Variants in ITGBL1 observed in about 807,000 individuals in gnomAD.
The protein encoded by ITGBL1 is integrin beta-like protein 1.
Under a neutral mutation model 68.5 loss-of-function variants are expected in ITGBL1, and 51 were observed. The observed-to-expected ratio is 0.74, with a 90% CI of 0.59 to 0.94. The LOEUF (loss-of-function observed/expected upper bound fraction) is 0.94. ITGBL1 is among the 40% of genes least tolerant of loss of function. The pLI, the probability that ITGBL1 is intolerant of heterozygous loss-of-function variation, is 0.00. For missense variants in ITGBL1, 649 were observed against 647.4 expected, an observed-to-expected ratio of 1.00 and a Z score of -0.03; for synonymous variants, 209 against 227.3, an observed-to-expected ratio of 0.92 and a Z score of 0.72.
chr13:101,661,456 T>C (rs557544919), intron 7 of ITGBL1, among the ~76,000 whole-genome samples: 10 of 152,318 alleles, frequency 6.6e-5, no homozygotes, highest in Admixed American at 2.6e-4. Flanking sequence ...GAAGTACCAA[T>C]GTAGGAATTT....
chr13:101,655,959 GT>G (rs2032908129), intron 7 of ITGBL1, among the ~76,000 whole-genome samples: 2 of 151,728 alleles, frequency 1.3e-5, no homozygotes, highest in Non-Finnish European at 2.9e-5. Flanking sequence ...GTACAGCTTG[GT>G]TTTATCTATT....
At chr13:101,602,569 AAT>A (rs572640964) in intron 7 of ITGBL1, among the ~76,000 whole-genome samples, 153 of 152,172 alleles carry the variant, frequency 1.0e-3, no homozygotes, top group African/African-American at 3.1e-3. Context: ...TTTTTTAAAA[AAT>A]ATATGTTAAT....
chr13:101,552,157 C>T (rs1250157842), intron 2 of ITGBL1, among the ~76,000 whole-genome samples: 1 of 152,136 alleles, frequency 6.6e-6, no homozygotes, highest in Non-Finnish European at 1.5e-5. Flanking sequence ...GTCCCTTTAC[C>T]AAAATACATG....
intron 7 of ITGBL1, among the ~76,000 whole-genome samples, chr13:101,650,934 G>A (rs187792927): frequency 4.6e-5 from 7 of 152,230 alleles, no homozygotes; most frequent in Admixed American, 3.3e-4. Context: ...AGTTTGCTGA[G>A]GATTATGGAT....
intron 2 of ITGBL1, among the ~76,000 whole-genome samples, chr13:101,460,279 A>G (rs767450125): frequency 6.6e-6 from 1 of 152,116 alleles, no homozygotes; most frequent in Admixed American, 6.5e-5. Context: ...CCCCTTCACC[A>G]GTAAATAAAT....
At chr13:101,477,846 A>G (rs1283119480) in intron 2 of ITGBL1, among the ~76,000 whole-genome samples, 1 of 152,124 alleles carries the variant, frequency 6.6e-6, no homozygotes, top group Non-Finnish European at 1.5e-5. Flanking sequence ...ACATTGATGA[A>G]AAGTTTCCTG....
chr13:101,482,813 C>T (rs542717036), intron 2 of ITGBL1, among the ~76,000 whole-genome samples: 178 of 152,230 alleles, frequency 1.2e-3, no homozygotes, highest in African/African-American at 4.0e-3. Context: ...TACTGGACCA[C>T]TTAACTGAAG....
At chr13:101,646,087 C>CA (rs2032546296) in intron 7 of ITGBL1, among the ~76,000 whole-genome samples, 1 of 152,146 alleles carries the variant, frequency 6.6e-6, no homozygotes, top group African/African-American at 2.4e-5. Context: ...TGGACAGTAT[C>CA]CACCTTTGAT....
chr13:101,706,355 C>A (rs1413716020), intron 8 of ITGBL1, among the ~76,000 whole-genome samples: 1 of 152,112 alleles, frequency 6.6e-6, no homozygotes, highest in South Asian at 2.1e-4. Context: ...AATAGGAGAA[C>A]AATCAATAAA....
intron 2 of ITGBL1, among the ~76,000 whole-genome samples, chr13:101,473,545 T>C (rs1231971624): frequency 6.6e-6 from 1 of 152,190 alleles, no homozygotes; most frequent in African/African-American, 2.4e-5. Context: ...TAAAGTAGTC[T>C]GGTGTTTTAA....
chr13:101,632,183 T>C (rs965697162), intron 7 of ITGBL1, among the ~76,000 whole-genome samples: 1 of 151,938 alleles, frequency 6.6e-6, no homozygotes, highest in South Asian at 2.1e-4. Context: ...AAGCTATACC[T>C]AAAATATATA....
chr13:101,570,598 A>G (rs976063616), intron 3 of ITGBL1, among the ~76,000 whole-genome samples: 2 of 152,202 alleles, frequency 1.3e-5, no homozygotes, highest in Non-Finnish European at 2.9e-5. Context: ...TTCATGAATC[A>G]GGCAGCTCCA....
chr13:101,605,181 TA>T (rs1398714110), intron 7 of ITGBL1, among the ~76,000 whole-genome samples: 4 of 88,814 alleles, frequency 4.5e-5, no homozygotes, highest in African/African-American at 1.3e-4. Flanking sequence ...TATGCACATA[TA>T]GACATAGGCA....
At chr13:101,615,680 T>C (rs941399767) in intron 7 of ITGBL1, among the ~76,000 whole-genome samples, 8 of 151,982 alleles carry the variant, frequency 5.3e-5, no homozygotes, top group Non-Finnish European at 1.2e-4. Flanking sequence ...TCCCAGCTAC[T>C]CAGGAGGCTA....
intron 2 of ITGBL1, among the ~76,000 whole-genome samples, chr13:101,552,539 C>T (rs1445014689): frequency 1.3e-5 from 2 of 152,082 alleles, no homozygotes; most frequent in African/African-American, 4.8e-5. Context: ...CCTTCAAGTC[C>T]TTCTATTGGC....
chr13:101,664,885 C>A (rs2033176547), intron 7 of ITGBL1, among the ~76,000 whole-genome samples: 1 of 152,224 alleles, frequency 6.6e-6, no homozygotes, highest in South Asian at 2.1e-4. Context: ...AGGCACCCAC[C>A]ACCACACTCA....
At chr13:101,602,762 A>G (rs568880076) in intron 7 of ITGBL1, among the ~76,000 whole-genome samples, 13 of 152,074 alleles carry the variant, frequency 8.5e-5, no homozygotes, top group African/African-American at 2.9e-4. Flanking sequence ...GAAACCACCA[A>G]TCTACTTTGT....
At chr13:101,600,870 G>A (rs1428248494) in intron 7 of ITGBL1, among the ~76,000 whole-genome samples, 3 of 152,138 alleles carry the variant, frequency 2.0e-5, no homozygotes, top group Non-Finnish European at 2.9e-5. Context: ...TTGCATTGAT[G>A]TTCATCAGGG....
At chr13:101,638,179 A>G (rs1031743514) in intron 7 of ITGBL1, among the ~76,000 whole-genome samples, 5 of 152,192 alleles carry the variant, frequency 3.3e-5, no homozygotes, top group African/African-American at 1.2e-4. Context: ...CCTCAAAGAG[A>G]GTCAATGACA....
Sources: allele counts gnomAD v4.1 joint callset (sites outside exome capture counted in the v4.1 genomes callset), GRCh38; gene constraint gnomAD v4.1.1; transcripts MANE v1.5; gene names NCBI Gene and HGNC (gene_info 2026-07-23, HGNC 2026-07-21).